PTPRG: variants seen among roughly 807,000 people sequenced by gnomAD.
PTPRG encodes the protein protein tyrosine phosphatase receptor type G.
Under a neutral mutation model 165.3 loss-of-function variants are expected in PTPRG, and 102 were observed. That is an observed-to-expected ratio of 0.62 (90% CI 0.53 to 0.73). The LOEUF (loss-of-function observed/expected upper bound fraction) is 0.73, where lower values mean the gene tolerates loss of function less well. Ranked by LOEUF, PTPRG falls within the 30% of genes least tolerant of loss-of-function variation. The pLI, the probability that PTPRG is intolerant of heterozygous loss-of-function variation, is 0.00. For missense variants in PTPRG, 1,866 were observed against 1,861.4 expected (o/e 1.00, Z -0.05); for synonymous variants, 675 against 669.5 (o/e 1.01, Z -0.13).
chr3:62,094,625 C>T (rs1702048954), intron 5 of PTPRG, among the ~76,000 whole-genome samples: 1 of 152,204 alleles, frequency 6.6e-6, no homozygotes, highest in Non-Finnish European at 1.5e-5. Flanking sequence ...ATATTCTGTG[C>T]CAGGATGTAC....
At chr3:61,708,145 G>A (rs2031356860) in intron 1 of PTPRG, among the ~76,000 whole-genome samples, 1 of 151,692 alleles carries the variant, frequency 6.6e-6, no homozygotes, top group African/African-American at 2.4e-5. Flanking sequence ...GTCACTTTGT[G>A]CTGCTCCTAC....
At chr3:61,678,516 G>A (rs1703315971) in intron 1 of PTPRG, among the ~76,000 whole-genome samples, 1 of 152,120 alleles carries the variant, frequency 6.6e-6, no homozygotes, top group African/African-American at 2.4e-5. Context: ...GGAAAGAAGT[G>A]CAGTCCATTG....
At chr3:61,907,866 C>G (rs116447311) in intron 2 of PTPRG, among the ~76,000 whole-genome samples, 92 of 152,096 alleles carry the variant, frequency 6.0e-4, no homozygotes, top group African/African-American at 2.2e-3. Flanking sequence ...CGGCTCATAC[C>G]TGTAATCCCA....
At position 62,123,409 on chromosome 3, in the gene PTPRG, G is replaced by T. The variant is rs1445449984; in HGVS notation, c.616-9193G>T. ...TATAGATGTGCACCACCAAACACTG[G>T]CTAATGTTTTTTATTTTTGACTTCA... On this transcript the variant is annotated intron_variant, in intron 5 of 29. Coordinates refer to ENST00000474889, the MANE Select transcript of PTPRG (RefSeq NM_002841.4). Among the ~76,000 whole-genome samples the T allele has an allele frequency of 2.6e-5, 4 of 152,018 alleles. No homozygotes were observed. The East Asian group carries it at 7.7e-4, about 29-fold the overall frequency.
chr3:62,202,849 T>G (rs1700127439), intron 11 of PTPRG, among the ~76,000 whole-genome samples: 1 of 152,252 alleles, frequency 6.6e-6, no homozygotes, highest in Non-Finnish European at 1.5e-5. Context: ...CATGACTTCT[T>G]TGTTGTGTAA....
chr3:61,991,632 C>T (rs998952507), intron 3 of PTPRG, among the ~76,000 whole-genome samples: 1 of 152,144 alleles, frequency 6.6e-6, no homozygotes, highest in African/African-American at 2.4e-5. Flanking sequence ...TTAGGATAAC[C>T]GCAATGAGAT....
intron 1 of PTPRG, among the ~76,000 whole-genome samples, chr3:61,612,250 T>C (rs1701191391): frequency 6.6e-6 from 1 of 152,194 alleles, no homozygotes; most frequent in Non-Finnish European, 1.5e-5. Context: ...CTGGCCACTG[T>C]AAGGCTTTTG....
intron 2 of PTPRG, among the ~76,000 whole-genome samples, chr3:61,789,021 T>C (rs981162655): frequency 2.4e-4 from 36 of 152,232 alleles, no homozygotes; most frequent in African/African-American, 8.7e-4. Context: ...TAATACTTTT[T>C]TCTTACATTT....
intron 2 of PTPRG, among the ~76,000 whole-genome samples, chr3:61,948,438 G>T (rs191210312): frequency 2.0e-5 from 3 of 152,298 alleles, no homozygotes; most frequent in African/African-American, 4.8e-5. Context: ...TGTTCTAGGT[G>T]CTGGGAATTC....
At chr3:62,275,411 T>C (rs1702199543) in intron 23 of PTPRG, among the ~76,000 whole-genome samples, 1 of 152,128 alleles carries the variant, frequency 6.6e-6, no homozygotes, top group Non-Finnish European at 1.5e-5. Context: ...AGAATCCACA[T>C]AGTTCTAGAA....
intron 1 of PTPRG, among the ~76,000 whole-genome samples, chr3:61,681,080 A>G (rs1703426295): frequency 6.6e-6 from 1 of 150,856 alleles, no homozygotes; most frequent in Non-Finnish European, 1.5e-5. Context: ...AAAAAAAAGA[A>G]GAAGAAAGTA....
At chr3:61,632,318 TACACACAC>T (rs3032571) in intron 1 of PTPRG, among the ~76,000 whole-genome samples, 19 of 147,696 alleles carry the variant, frequency 1.3e-4, no homozygotes, top group Middle Eastern at 7.4e-3. Context: ...CACACGCACA[TACACACAC>T]ACACACACAC....
intron 2 of PTPRG, among the ~76,000 whole-genome samples, chr3:61,935,064 C>T (rs1453751779): frequency 6.6e-6 from 1 of 152,092 alleles, no homozygotes; most frequent in African/African-American, 2.4e-5. Flanking sequence ...TCCTCCTCTC[C>T]TTCCCACACA....
At chr3:61,887,287 C>T (rs1172025346) in intron 2 of PTPRG, among the ~76,000 whole-genome samples, 1 of 151,592 alleles carries the variant, frequency 6.6e-6, no homozygotes, top group Admixed American at 6.6e-5. Context: ...GCTGTGATTT[C>T]TAAGCCCCTG....
intron 4 of PTPRG, among the ~76,000 whole-genome samples, chr3:62,008,640 G>C (rs1405425377): frequency 6.6e-6 from 1 of 152,192 alleles, no homozygotes; most frequent in Non-Finnish European, 1.5e-5. Flanking sequence ...CAACCTTTTC[G>C]ACACCAGGGA....
chr3:62,061,085 A>G (rs949614490), intron 4 of PTPRG, among the ~76,000 whole-genome samples: 3 of 152,210 alleles, frequency 2.0e-5, no homozygotes, highest in Admixed American at 6.5e-5. Context: ...CATTTGTGAC[A>G]CTGGTCAAAT....
At chr3:61,761,830 A>G (rs1432425642) in intron 2 of PTPRG, among the ~76,000 whole-genome samples, 1 of 152,178 alleles carries the variant, frequency 6.6e-6, no homozygotes, top group Non-Finnish European at 1.5e-5. Flanking sequence ...GCTGCTCCCA[A>G]AGGCATCATT....
chr3:61,600,173 A>AAAAAT (rs1409193580), intron 1 of PTPRG, among the ~76,000 whole-genome samples: 3 of 123,484 alleles, frequency 2.4e-5, no homozygotes, highest in African/African-American at 9.0e-5. Flanking sequence ...AAAAAAAAAA[A>AAAAAT]ATATATATAT....
intron 2 of PTPRG, among the ~76,000 whole-genome samples, chr3:61,940,656 TA>T (rs1559701738): frequency 1.1e-5 from 1 of 91,712 alleles, no homozygotes; most frequent in Non-Finnish European, 2.4e-5. Context: ...TGCTTTTATT[TA>T]TTTATTTATT....
Sources: gnomAD v4.1 joint callset for allele counts (sites outside exome capture counted in the v4.1 genomes callset) on GRCh38, gnomAD v4.1.1 for gene constraint, MANE v1.5 for transcripts, NCBI Gene and HGNC (gene_info 2026-07-23, HGNC 2026-07-21) for gene names.